The following TAFA5 variants were observed in gnomAD, a reference collection of about 807,000 sequenced individuals.
The protein encoded by TAFA5 is chemokine-like protein TAFA-5.
Under a neutral mutation model 15.3 loss-of-function variants are expected in TAFA5, and 6 were observed. The observed-to-expected ratio is 0.39, with a 90% confidence interval of 0.21 to 0.77. TAFA5 has a LOEUF of 0.77. TAFA5 is among the 30% of genes least tolerant of loss of function. TAFA5 has a pLI of 0.41. For synonymous variants in TAFA5, 103 were observed against 80.7 expected (o/e 1.28, Z -1.48); for missense variants, 161 against 193.1 (o/e 0.83, Z 0.98).
chr22:48,627,014 G>A (rs925558737), intron 1 of TAFA5, among the ~76,000 whole-genome samples: 5 of 152,166 alleles, frequency 3.3e-5, no homozygotes, highest in East Asian at 1.9e-4. Flanking sequence ...AAGGATGGCC[G>A]CGGGGCCCCT....
At chr22:48,737,188 A>G (rs1930053524) in intron 3 of TAFA5, among the ~76,000 whole-genome samples, 1 of 152,164 alleles carries the variant, frequency 6.6e-6, no homozygotes, top group South Asian at 2.1e-4. Context: ...ACACCTGGCC[A>G]CACAGAGAGG....
intron 1 of TAFA5, among the ~76,000 whole-genome samples, chr22:48,524,630 G>T (rs1055953212): frequency 6.6e-6 from 1 of 152,222 alleles, no homozygotes; most frequent in Non-Finnish European, 1.5e-5. Flanking sequence ...CCCACATTGG[G>T]CATGGTTAGT....
At chr22:48,709,708 G>A (rs1301328797) in intron 3 of TAFA5, among the ~76,000 whole-genome samples, 3 of 152,216 alleles carry the variant, frequency 2.0e-5, no homozygotes, top group African/African-American at 4.8e-5. Flanking sequence ...GAACGAACTC[G>A]GATGCACCTC....
intron 1 of TAFA5, among the ~76,000 whole-genome samples, chr22:48,541,925 T>G (rs947540820): frequency 6.6e-6 from 1 of 152,132 alleles, no homozygotes; most frequent in Non-Finnish European, 1.5e-5. Flanking sequence ...GGGGATCGTG[T>G]GGGTGCTGAG....
At chr22:48,633,474 C>G (rs74846192) in intron 1 of TAFA5, among the ~76,000 whole-genome samples, 9 of 152,000 alleles carry the variant, frequency 5.9e-5, no homozygotes, top group Non-Finnish European at 1.3e-4. Flanking sequence ...CCCTCTCTCT[C>G]GAGCTCCCTG....
intron 1 of TAFA5, among the ~76,000 whole-genome samples, chr22:48,508,347 G>A (rs1569162466): frequency 3.3e-5 from 5 of 152,226 alleles, no homozygotes; most frequent in Admixed American, 1.3e-4. Flanking sequence ...CCCCAGAGCT[G>A]GCCAATGTGG....
intron 1 of TAFA5, among the ~76,000 whole-genome samples, chr22:48,542,638 A>ATGTGTGTGTGTGG (rs879338771): frequency 0.72 from 60,945 of 84,080 alleles, 20,505 homozygotes; most frequent in Middle Eastern, 0.8. Context: ...TGGGTGTGTG[A>ATGTGTGTGTGTGG]TGTGTGTGTG....
intron 3 of TAFA5, among the ~76,000 whole-genome samples, chr22:48,708,435 G>T (rs1173290448): frequency 6.6e-6 from 1 of 152,216 alleles, no homozygotes; most frequent in African/African-American, 2.4e-5. Context: ...CTCTAGAGCT[G>T]CTCTTCCCAA....
intron 1 of TAFA5, among the ~76,000 whole-genome samples, chr22:48,569,708 T>C (rs997293557): frequency 6.6e-6 from 1 of 152,204 alleles, no homozygotes; most frequent in African/African-American, 2.4e-5. Context: ...TGGAAGTGCA[T>C]GCTGACCTGA....
chr22:48,690,629 A>T (rs1414629792), intron 2 of TAFA5, among the ~76,000 whole-genome samples: 1 of 151,726 alleles, frequency 6.6e-6, no homozygotes, highest in Non-Finnish European at 1.5e-5. Context: ...TTTAAACCTC[A>T]TCTCTTCTAG....
chr22:48,587,499 T>C (rs1924404946), intron 1 of TAFA5, among the ~76,000 whole-genome samples: 1 of 152,058 alleles, frequency 6.6e-6, no homozygotes, highest in Admixed American at 6.5e-5. Context: ...AAGTCACAGC[T>C]CCAGGCACCA....
chr22:48,666,099 G>A (rs1927600029), intron 2 of TAFA5, among the ~76,000 whole-genome samples: 2 of 152,210 alleles, frequency 1.3e-5, no homozygotes, highest in Non-Finnish European at 2.9e-5. Context: ...AGAGGGGCCT[G>A]GTGTGATACT....
At chr22:48,741,040 G>C (rs1355937778) in intron 3 of TAFA5, among the ~76,000 whole-genome samples, 1 of 152,162 alleles carries the variant, frequency 6.6e-6, no homozygotes, top group African/African-American at 2.4e-5. Context: ...AGGAAGTGGA[G>C]ACCCAGCGTC....
rs556500214 is a variant in TAFA5, at chr22:48,693,575, C to A, written c.263-14142C>A. ...GAGCTCAGGGAACTCTGTTCCCACC[C>A]CTGGTCCGGCTCTGGGCCTTGGTCC... On this transcript the variant is annotated intron_variant, in intron 2 of 3. Transcript: ENST00000402357. Among the ~76,000 whole-genome samples, 4 of 152,276 alleles carry A rather than the reference C, an allele frequency of 2.6e-5. No homozygotes were observed. In the East Asian group the frequency reaches 5.8e-4, roughly 22 times the overall value.
rs377764643 is a variant in TAFA5, at chr22:48,490,778, CAAAAA to C, written c.112+1086_112+1090del. ...GTGATGGAAAAATATGGATTCTTTA[CAAAAA>C]AAAAAAAAAAAGGCCAGCACCGAAC... On this transcript the variant is annotated intron_variant, in intron 1 of 3. Transcript: ENST00000402357. The surrounding 1 kb of genome is among the most constrained non-coding windows in gnomAD (Gnocchi z 5.8). Among the ~76,000 whole-genome samples the C allele has an allele frequency of 1.2e-5, 1 of 83,510 alleles. No individual in the cohort carries two copies. The highest frequency in any genetic ancestry group is 2.4e-5 in the Non-Finnish European group (1 of 42,460). The allele number at this position is 83,510 out of a possible 152,430, so 54.8% of individuals were successfully genotyped here. A position where few individuals can be genotyped will look rare whatever the true frequency, so the allele number is the denominator to read the frequency against.
rs1928099483 is a variant in TAFA5 at position 48,490,258 on chromosome 22, G to C, written c.112+554G>C. ...TCAGGCGCCTTCTGGAAAGAGAAGC[G>C]AAGTGAGGGATGGGATGCCCGGAGG... On this transcript the variant is annotated intron_variant, in intron 1 of 3. Transcript: ENST00000402357. The surrounding 1 kb of genome is among the most constrained non-coding windows in gnomAD (Gnocchi z 5.8). 6.6e-6 allele frequency among the ~76,000 whole-genome samples: 1 copy of C among 152,120 alleles called. No individual in the cohort carries two copies.
intron 1 of TAFA5, among the ~76,000 whole-genome samples, chr22:48,609,128 G>A (rs1925304218): frequency 2.0e-5 from 3 of 152,284 alleles, no homozygotes; most frequent in South Asian, 2.1e-4. Flanking sequence ...CACTGCTGTC[G>A]GATGGATGTG....
chr22:48,674,943 G>GTT (rs60516251), intron 2 of TAFA5, among the ~76,000 whole-genome samples: 30 of 145,308 alleles, frequency 2.1e-4, no homozygotes, highest in Admixed American at 4.8e-4. Context: ...TGTCTGGCCA[G>GTT]TTTTTTTTTT....
intron 2 of TAFA5, among the ~76,000 whole-genome samples, chr22:48,700,371 T>C (rs1928866506): frequency 6.6e-6 from 1 of 152,046 alleles, no homozygotes; most frequent in Non-Finnish European, 1.5e-5. Flanking sequence ...CGTGAGAGCC[T>C]GACCTCGCCG....
Sources: gnomAD v4.1 joint callset for allele counts (sites outside exome capture counted in the v4.1 genomes callset) on GRCh38, gnomAD v4.1.1 for gene constraint, Gnocchi (gnomAD v3.1) non-coding constraint, MANE v1.5 for transcripts, NCBI Gene and HGNC (gene_info 2026-07-23, HGNC 2026-07-21) for gene names.